Variants in VAMP7 observed in about 807,000 individuals in gnomAD.
The protein encoded by VAMP7 is vesicle associated membrane protein 7, also known as vesicle-associated membrane protein 7.
A neutral mutation model predicts 29.6 loss-of-function variants in VAMP7; 14 were observed. The ratio of observed to expected loss-of-function variants is 0.47; its 90% CI spans 0.31 to 0.74. VAMP7 has a LOEUF of 0.74. Among genes scored for constraint, VAMP7 ranks in the 30% least tolerant of loss-of-function variants. The pLI, the probability that VAMP7 is intolerant of heterozygous loss-of-function variation, is 0.05. For synonymous variants in VAMP7, 95 were observed against 88.1 expected (o/e 1.08, Z -0.44); for missense variants, 223 against 262.4 (o/e 0.85, Z 1.04).
chrX:155,934,779 C>A (rs5983680), intron 6 of VAMP7, among the ~76,000 whole-genome samples: 1 of 151,830 alleles, frequency 6.6e-6, no homozygotes, highest in African/African-American at 2.4e-5. Flanking sequence ...TTAGTTGATG[C>A]AGTTTCTTCC....
intron 1 of VAMP7, among the ~76,000 whole-genome samples, chrX:155,886,931 AC>A (rs2065872489): frequency 6.7e-6 from 1 of 149,730 alleles, no homozygotes; most frequent in Non-Finnish European, 1.5e-5. Context: ...CTGCACAGGG[AC>A]TGAGGCTGCT....
At chrX:155,919,661 C>T (rs1294727879) in intron 5 of VAMP7, 152 bp from the exon 6 acceptor site, 1 of 673,166 alleles carries the variant, frequency 1.5e-6, no homozygotes, top group African/African-American at 1.8e-5. Flanking sequence ...TGGGCTAGTC[C>T]TTGTTTTCGA....
At chrX:155,912,354 A>T (rs188308769) in intron 5 of VAMP7, among the ~76,000 whole-genome samples, 163 of 152,136 alleles carry the variant, frequency 1.1e-3, no homozygotes, top group Non-Finnish European at 2.2e-3. Flanking sequence ...TCTATGTTAC[A>T]CATTTGCTCT....
At chrX:155,915,200 G>C (rs2066293514) in intron 5 of VAMP7, among the ~76,000 whole-genome samples, 1 of 152,132 alleles carries the variant, frequency 6.6e-6, no homozygotes. Context: ...TGTGGGATCA[G>C]TGGTGATACC....
intron 3 of VAMP7, among the ~76,000 whole-genome samples, chrX:155,897,764 T>G (rs1306407581): frequency 6.6e-6 from 1 of 152,178 alleles, no homozygotes. Context: ...TTAAACATAT[T>G]CTTGTGCTGG....
chrX:155,920,583 G>T (rs2066381168), intron 6 of VAMP7, among the ~76,000 whole-genome samples: 1 of 152,170 alleles, frequency 6.6e-6, no homozygotes, highest in Non-Finnish European at 1.5e-5. Context: ...ACTGACAGCT[G>T]GATTGTAGTG....
chrX:155,892,945 G>T (rs1030888502), intron 2 of VAMP7, among the ~76,000 whole-genome samples: 11 of 151,992 alleles, frequency 7.2e-5, no homozygotes, highest in Admixed American at 5.9e-4. Flanking sequence ...TAGAGATGGG[G>T]TTTCACCATG....
intron 6 of VAMP7, among the ~76,000 whole-genome samples, chrX:155,922,555 G>GCAAGGTCAT (rs2066411190): frequency 1.3e-5 from 2 of 152,106 alleles, no homozygotes; most frequent in South Asian, 4.2e-4. Context: ...TTGCATTCCT[G>GCAAGGTCAT]CAAGGTCATG....
At chrX:155,908,539 G>C (rs1022832660) in intron 5 of VAMP7, among the ~76,000 whole-genome samples, 2 of 152,056 alleles carry the variant, frequency 1.3e-5, no homozygotes, top group Admixed American at 1.3e-4. Context: ...GAAAGAGAGG[G>C]AGAGGGAGAC....
chrX:155,941,481 TAAAA>T (rs2066743223), intron 7 of VAMP7, among the ~76,000 whole-genome samples: 1 of 152,074 alleles, frequency 6.6e-6, no homozygotes, highest in East Asian at 1.9e-4. Context: ...TAATCAAAAA[TAAAA>T]TTCATGTGCA....
intron 6 of VAMP7, among the ~76,000 whole-genome samples, chrX:155,923,993 A>G (rs756885190): frequency 6.6e-6 from 1 of 152,138 alleles, no homozygotes; most frequent in Non-Finnish European, 1.5e-5. Context: ...ACTTTCCTCT[A>G]CCTTGAGTAT....
At chrX:155,890,603 C>T (rs757918561) in intron 2 of VAMP7, among the ~76,000 whole-genome samples, 35 of 149,894 alleles carry the variant, frequency 2.3e-4, no homozygotes, top group Admixed American at 1.3e-3. Flanking sequence ...TCAGGTGATT[C>T]GCCTGCCTTG....
intron 6 of VAMP7, among the ~76,000 whole-genome samples, chrX:155,925,824 C>A (rs1019125600): frequency 4.6e-5 from 7 of 152,126 alleles, no homozygotes; most frequent in Non-Finnish European, 7.3e-5. Flanking sequence ...TAAGCAGTTC[C>A]CAGCTTGACT....
At chrX:155,912,368 T>C (rs2066249583) in intron 5 of VAMP7, among the ~76,000 whole-genome samples, 1 of 152,134 alleles carries the variant, frequency 6.6e-6, no homozygotes, top group Non-Finnish European at 1.5e-5. Flanking sequence ...TTGCTCTTTT[T>C]TTATTATTAT....
intron 5 of VAMP7, among the ~76,000 whole-genome samples, chrX:155,901,568 C>T (rs2066062780): frequency 6.6e-6 from 1 of 152,040 alleles, no homozygotes; most frequent in Non-Finnish European, 1.5e-5. Flanking sequence ...AGGAAGGGAT[C>T]CAGTTTCAGC....
chrX:155,900,432 T>G, intron 4 of VAMP7, 65 bp from the exon 5 acceptor site: 1 of 1,266,246 alleles, frequency 7.9e-7, no homozygotes. Flanking sequence ...GTCATTCCCC[T>G]TATTTTTGTT....
chrX:155,918,340 G>T (rs759723957), intron 5 of VAMP7, among the ~76,000 whole-genome samples: 2 of 152,082 alleles, frequency 1.3e-5, no homozygotes, highest in East Asian at 3.9e-4. Context: ...GGCATTCCAG[G>T]CGCCACTGGG....
At chrX:155,882,149 G>A (rs1309948267) in intron 1 of VAMP7, among the ~76,000 whole-genome samples, 1 of 152,132 alleles carries the variant, frequency 6.6e-6, no homozygotes, top group Non-Finnish European at 1.5e-5. Context: ...ATACAGTCAT[G>A]TTTAGGATAT....
rs200962640 is a variant in VAMP7, at chrX:155,888,280, ATGTT to A, written c.-9-1174_-9-1171del. On this transcript the variant is annotated intron_variant, in intron 1 of 7. Coordinates refer to ENST00000286448, the MANE Select transcript of VAMP7 (RefSeq NM_005638.6). ...AGTTTGCTGTTGTGTTTCACAAAGT[ATGTT>A]TGTGTGAATCACCTGCATCCAGACA... 6.8e-3 allele frequency among the ~76,000 whole-genome samples: 1,031 copies of A among 152,296 alleles called. 4 individuals are homozygous for A. The highest frequency in any genetic ancestry group is 0.014 in the Middle Eastern group (4 of 294).
Sources: gnomAD v4.1 joint callset for allele counts (sites outside exome capture counted in the v4.1 genomes callset) on GRCh38, gnomAD v4.1.1 for gene constraint, MANE v1.5 for transcripts, NCBI Gene and HGNC (gene_info 2026-07-23, HGNC 2026-07-21) for gene names.